Variants in CHIC1 observed in about 807,000 individuals in gnomAD.
The protein encoded by CHIC1 is cysteine-rich hydrophobic domain-containing protein 1.
CHIC1 carries 7 observed loss-of-function variants against 18.5 expected under a neutral mutation model. The ratio of observed to expected loss-of-function variants is 0.38; its 90% CI spans 0.22 to 0.71. The LOEUF (loss-of-function observed/expected upper bound fraction) is 0.71. CHIC1 is among the 30% of genes least tolerant of loss of function. The pLI is 0.49. For synonymous variants in CHIC1, 77 were observed against 73.5 expected (o/e 1.05, Z -0.25); for missense variants, 159 against 176.9 (o/e 0.90, Z 0.57).
In CHIC1 at chrX:73,682,287, T is replaced by C. The variant is rs2058102351; in HGVS notation, c.*1282T>C. ...TTATTTGGTCCATATTTCTCTATTT[T>C]TCTTCACAATTAAAATGATTGCTAG... On this transcript the variant is annotated 3_prime_UTR_variant, in exon 6 of 6. Coordinates refer to ENST00000373502, the MANE Select transcript of CHIC1 (RefSeq NM_001039840.4). 1 of 112,140 alleles carries C rather than the reference T, an allele frequency of 8.9e-6. No individual in the cohort carries two copies. Among genetic ancestry groups the C allele is most frequent in the African/African-American group, 3.2e-5 (1 of 30,986 alleles). 9.2% of individuals were successfully genotyped at this position (112,140 alleles called of 1,213,427 possible).
At chrX:73,569,551 A>G (rs2057460185) in intron 1 of CHIC1, among the ~76,000 whole-genome samples, 2 of 111,619 alleles carry the variant, frequency 1.8e-5, no homozygotes, top group African/African-American at 6.5e-5. Context: ...TGAGCCCCAC[A>G]TCTTGGCTAA....
chrX:73,632,103 A>G (rs954386908), intron 3 of CHIC1, among the ~76,000 whole-genome samples: 12 of 112,076 alleles, frequency 1.1e-4, no homozygotes, highest in African/African-American at 3.9e-4. Flanking sequence ...TTCTGTCTGT[A>G]TGATTTATCC....
intron 3 of CHIC1, among the ~76,000 whole-genome samples, chrX:73,598,651 G>A (rs368049971): frequency 9.1e-6 from 1 of 109,384 alleles, no homozygotes; most frequent in African/African-American, 3.3e-5. Context: ...TCCCTACAAA[G>A]GACATGAACT....
At chrX:73,662,077 T>A (rs1360873125) in intron 3 of CHIC1, among the ~76,000 whole-genome samples, 4 of 107,702 alleles carry the variant, frequency 3.7e-5, no homozygotes, top group African/African-American at 1.3e-4. Context: ...TAAATAAAAA[T>A]AAATAATAAA....
chrX:73,634,600 G>T (rs916262612), intron 3 of CHIC1, among the ~76,000 whole-genome samples: 1 of 111,386 alleles, frequency 9.0e-6, no homozygotes, highest in African/African-American at 3.3e-5. Context: ...AGATTTCTTG[G>T]GTGGGCCTTG....
chrX:73,607,683 G>A (rs1270005648), intron 3 of CHIC1, among the ~76,000 whole-genome samples: 2 of 108,459 alleles, frequency 1.8e-5, no homozygotes, highest in Non-Finnish European at 3.8e-5. Context: ...TAACTGGGCC[G>A]GAATGCATTG....
At position 73,597,420 on chromosome X, in the gene CHIC1, G is replaced by A. The variant is rs373071689; in HGVS notation, c.507+12848G>A. On this transcript the variant is annotated intron_variant, in intron 3 of 5. Coordinates refer to ENST00000373502, the MANE Select transcript of CHIC1 (RefSeq NM_001039840.4). ...ATATAATTTACAAATAATTTCTACCGTTCTGTGGTTTGTCTTTTCACTGTC... is the reference window on the plus strand; with the variant it reads ...ATATAATTTACAAATAATTTCTACCATTCTGTGGTTTGTCTTTTCACTGTC... Among the ~76,000 whole-genome samples the A allele has an allele frequency of 3.7e-5, 4 of 109,224 alleles. No homozygotes were observed. The South Asian group carries it at 1.2e-3, about 32-fold the overall frequency. 94.8% of individuals were successfully genotyped at this position (109,224 alleles called of 115,157 possible).
At chrX:73,637,668 A>G (rs147727219) in intron 3 of CHIC1, among the ~76,000 whole-genome samples, 1,756 of 110,798 alleles carry the variant, frequency 0.016, 33 homozygotes, top group African/African-American at 0.054. Context: ...TTTCTATTTC[A>G]GTTATTGTGT....
intron 3 of CHIC1, among the ~76,000 whole-genome samples, chrX:73,631,257 A>G (rs1243452572): frequency 1.8e-5 from 2 of 110,535 alleles, no homozygotes; most frequent in Admixed American, 9.7e-5. Flanking sequence ...TTCTGTTCCT[A>G]TCTTTATTAT....
chrX:73,603,520 A>G (rs2147569028), intron 3 of CHIC1, among the ~76,000 whole-genome samples: 1 of 108,400 alleles, frequency 9.2e-6, no homozygotes, highest in South Asian at 3.8e-4. Flanking sequence ...TGCCCTGGCC[A>G]GAATTTCCAA....
chrX:73,669,576 G>A (rs868425271), intron 3 of CHIC1, among the ~76,000 whole-genome samples: 47 of 108,630 alleles, frequency 4.3e-4, no homozygotes, highest in African/African-American at 1.4e-3. Context: ...AGGCGTGGCT[G>A]GAGGATCCGC....
At chrX:73,615,800 A>G (rs1313463481) in intron 3 of CHIC1, among the ~76,000 whole-genome samples, 1 of 110,719 alleles carries the variant, frequency 9.0e-6, no homozygotes, top group Non-Finnish European at 1.9e-5. Context: ...GGCAACAGTG[A>G]TTGTACCACA....
chrX:73,661,879 T>C (rs1406010013), intron 3 of CHIC1, among the ~76,000 whole-genome samples: 1 of 110,046 alleles, frequency 9.1e-6, no homozygotes, highest in African/African-American at 3.3e-5. Context: ...TAAACAGTGT[T>C]AAAGCGTTAG....
At chrX:73,590,727 A>G (rs757788297) in intron 3 of CHIC1, among the ~76,000 whole-genome samples, 1 of 111,659 alleles carries the variant, frequency 9.0e-6, no homozygotes, top group African/African-American at 3.2e-5. Context: ...ATATATTCAT[A>G]TTGGCTTCTT....
rs1488561110 is a variant in CHIC1, at chrX:73,577,416, G to C, written c.306G>C (p.Leu102Phe). 2 of 1,198,354 alleles carry C rather than the reference G, an allele frequency of 1.7e-6. No homozygotes were observed. The highest frequency in any genetic ancestry group is 2.3e-6 in the Non-Finnish European group (2 of 885,337). Reference sequence around the variant, plus strand: ...TGTGTTTGTTTTGAAGGTTTGGCTTGAGCAACAAGTTTGATACTGAATTTC... The same window carrying C: ...TGTGTTTGTTTTGAAGGTTTGGCTTCAGCAACAAGTTTGATACTGAATTTC... The part of the protein sequence containing the change: ...RGAGHITVFG[L>F]SNKFDTEFPS... Residue 102 changes from leucine (L) to phenylalanine (F), a missense_variant, in exon 2 of 6, where the codon TTG (leucine) becomes TTC (phenylalanine). Physicochemically the swap from Leu to Phe is conservative, Grantham distance 22. Transcript: ENST00000373502.
At position 73,586,044 on chromosome X, in the gene CHIC1, C is replaced by T. The variant is rs755877825; in HGVS notation, c.507+1472C>T. Among the ~76,000 whole-genome samples, 62 of 110,939 alleles carry T rather than the reference C, an allele frequency of 5.6e-4. No individual in the cohort carries two copies. In the South Asian group the frequency reaches 6.8e-3, roughly 12 times the overall value. Reference sequence around the variant, plus strand: ...TTGTCATCCATGAGCCAAATCCAGCCCACTCTGTTTTTAAACATTTTAATC... The same window carrying T: ...TTGTCATCCATGAGCCAAATCCAGCTCACTCTGTTTTTAAACATTTTAATC... On this transcript the variant is annotated intron_variant, in intron 3 of 5. Transcript: ENST00000373502.
chrX:73,653,154 A>G (rs915162723), intron 3 of CHIC1, among the ~76,000 whole-genome samples: 7 of 110,564 alleles, frequency 6.3e-5, no homozygotes, highest in African/African-American at 2.3e-4. Flanking sequence ...GCTCTCACTC[A>G]TAAGTGGGAG....
intron 3 of CHIC1, among the ~76,000 whole-genome samples, chrX:73,645,527 A>G (rs2057885049): frequency 8.9e-6 from 1 of 112,209 alleles, no homozygotes; most frequent in South Asian, 3.7e-4. Flanking sequence ...ATTTCTGTCA[A>G]CAGTGTCAAA....
rs1331143146 is a variant in CHIC1 at position 73,685,669 on chromosome X, A to T, written c.*4664A>T. On this transcript the variant is annotated 3_prime_UTR_variant, in exon 6 of 6. Coordinates refer to ENST00000373502, the MANE Select transcript of CHIC1 (RefSeq NM_001039840.4). ...TCACAGGGGAATTGAGGATATTTTCATATATTAGTGTGCTTTGAAGTTGAC... is the reference window on the plus strand; with the variant it reads ...TCACAGGGGAATTGAGGATATTTTCTTATATTAGTGTGCTTTGAAGTTGAC... 1 of 111,654 alleles carries T rather than the reference A, an allele frequency of 9.0e-6. No homozygotes were observed. Among genetic ancestry groups the T allele is most frequent in the African/African-American group, 3.2e-5 (1 of 30,844 alleles). The allele number at this position is 111,654 out of a possible 1,213,427, so 9.2% of individuals were successfully genotyped here.
Sources: gnomAD v4.1 joint callset for allele counts (sites outside exome capture counted in the v4.1 genomes callset) on GRCh38, gnomAD v4.1.1 for gene constraint, MANE v1.5 for transcripts, NCBI Gene and HGNC (gene_info 2026-07-23, HGNC 2026-07-21) for gene names.